The following FANCB variants were observed in gnomAD, a reference collection of about 807,000 sequenced individuals.
The protein encoded by FANCB is FA complementation group B, also known as Fanconi anemia group B protein.
In FANCB, 5 loss-of-function variants were observed where a neutral mutation model predicts 38.9. The ratio of observed to expected loss-of-function variants is 0.13; its 90% CI spans 0.07 to 0.27. The LOEUF (loss-of-function observed/expected upper bound fraction) is 0.27, where lower values mean the gene tolerates loss of function less well. FANCB is among the 10% of genes least tolerant of loss of function. FANCB has a pLI of 1.00. For missense variants in FANCB, 573 were observed against 602.7 expected (o/e 0.95, Z 0.52); for synonymous variants, 236 against 215.4 (o/e 1.10, Z -0.84).
intron 2 of FANCB, among the ~76,000 whole-genome samples, chrX:14,868,472 CAAA>C (rs1569094429): frequency 9.0e-6 from 1 of 111,382 alleles, no homozygotes; most frequent in Non-Finnish European, 1.9e-5. Context: ...AAGCCAATCA[CAAA>C]AAGACAAATA....
chrX:14,854,929 T>G (rs949495363), intron 5 of FANCB, among the ~76,000 whole-genome samples: 3 of 111,903 alleles, frequency 2.7e-5, no homozygotes. Flanking sequence ...TTTAAGTTTT[T>G]TGTGTGTTTT....
intron 4 of FANCB, 100 bp from the exon 5 acceptor site, chrX:14,858,054 G>A (rs996275605): frequency 1.8e-5 from 10 of 567,914 alleles, no homozygotes; most frequent in Middle Eastern, 5.4e-4. Context: ...TATCCAGTCA[G>A]AACAGTTTCC....
At chrX:14,770,752 G>C in the FANCB span, among the ~76,000 whole-genome samples, 1 of 112,289 alleles carries the variant, frequency 8.9e-6, no homozygotes, top group Non-Finnish European at 1.9e-5. Context: ...ACTTCAGTGT[G>C]TTTTTGTAGT....
downstream of FANCB, among the ~76,000 whole-genome samples, chrX:14,839,762 T>G (rs1375558273): frequency 1.3e-4 from 15 of 111,670 alleles, no homozygotes. Context: ...GGATTCCCCT[T>G]GCTTTATTCT....
the FANCB span, among the ~76,000 whole-genome samples, chrX:14,791,894 C>T: frequency 9.0e-6 from 1 of 111,630 alleles, no homozygotes; most frequent in Admixed American, 9.5e-5. Flanking sequence ...ATCCCATGTC[C>T]TTTTTTATAT....
At chrX:14,813,862 T>G in the FANCB span, among the ~76,000 whole-genome samples, 1 of 111,452 alleles carries the variant, frequency 9.0e-6, no homozygotes, top group Non-Finnish European at 1.9e-5. Flanking sequence ...GAGCCTGCAT[T>G]GCCAAGACAA....
chrX:14,781,684 A>G, the FANCB span, among the ~76,000 whole-genome samples: 1 of 111,534 alleles, frequency 9.0e-6, no homozygotes, highest in South Asian at 3.7e-4. Flanking sequence ...CCAGCTTGGG[A>G]ACTTTCTACC....
chrX:14,856,771 C>A (rs1307238059), intron 5 of FANCB, among the ~76,000 whole-genome samples: 1 of 111,234 alleles, frequency 9.0e-6, no homozygotes, highest in Non-Finnish European at 1.9e-5. Flanking sequence ...TCCTCTTTAG[C>A]ATAATTTTTA....
the FANCB span, among the ~76,000 whole-genome samples, chrX:14,724,408 C>G: frequency 9.2e-6 from 1 of 109,076 alleles, no homozygotes; most frequent in African/African-American, 3.3e-5. Context: ...GGTGCATCAC[C>G]GGAAGTCAGG....
chrX:14,689,906 A>G, the FANCB span, among the ~76,000 whole-genome samples: 2 of 112,235 alleles, frequency 1.8e-5, no homozygotes, highest in Non-Finnish European at 3.8e-5. Flanking sequence ...TTCAGAATCT[A>G]CTTTGTCAAA....
At chrX:14,841,202 G>T (rs374425525), downstream of FANCB, among the ~76,000 whole-genome samples, 8 of 112,083 alleles carry the variant, frequency 7.1e-5, no homozygotes, top group East Asian at 1.7e-3. Flanking sequence ...TTCTTCAGAT[G>T]GCTTACACAT....
the FANCB span, among the ~76,000 whole-genome samples, chrX:14,810,596 C>A: frequency 2.9e-4 from 32 of 110,759 alleles, no homozygotes; most frequent in African/African-American, 9.2e-4. Flanking sequence ...TGAAATGAAG[C>A]GAGAAGGGAA....
chrX:14,719,836 G>C, the FANCB span, among the ~76,000 whole-genome samples: 1 of 112,118 alleles, frequency 8.9e-6, no homozygotes, highest in African/African-American at 3.2e-5. Flanking sequence ...AGAAAATGTA[G>C]TGTTCATACA....
At chrX:14,786,724 G>C in the FANCB span, among the ~76,000 whole-genome samples, 5 of 110,765 alleles carry the variant, frequency 4.5e-5, no homozygotes, top group African/African-American at 1.6e-4. Flanking sequence ...AATTGTCCAA[G>C]AGGTAGCAAA....
At chrX:14,871,427 A>T (rs765196233) in intron 1 of FANCB, among the ~76,000 whole-genome samples, 26 of 111,988 alleles carry the variant, frequency 2.3e-4, no homozygotes, top group African/African-American at 8.4e-4. Context: ...GCATATACCC[A>T]GTAGTTTCAT....
intron 7 of FANCB, among the ~76,000 whole-genome samples, chrX:14,847,473 G>C (rs1001559497): frequency 9.0e-6 from 1 of 110,811 alleles, no homozygotes; most frequent in Non-Finnish European, 1.9e-5. Context: ...TGAAAGAGAT[G>C]TTGAGACATA....
At chrX:14,691,272 T>A in the FANCB span, among the ~76,000 whole-genome samples, 331 of 2,169 alleles carry the variant, frequency 0.15, 2 homozygotes, top group African/African-American at 0.28. Flanking sequence ...AAATATTGAC[T>A]GTGTGTGTGT....
the FANCB span, among the ~76,000 whole-genome samples, chrX:14,707,768 G>GTA: frequency 1.8e-5 from 2 of 110,536 alleles, no homozygotes; most frequent in Non-Finnish European, 3.8e-5. Context: ...GTGTGTGTGT[G>GTA]TGTGTGCACG....
At chrX:14,814,328 A>G in the FANCB span, among the ~76,000 whole-genome samples, 5 of 112,229 alleles carry the variant, frequency 4.5e-5, no homozygotes, top group East Asian at 1.4e-3. Flanking sequence ...GACAAATGGG[A>G]TCTAATTAAA....
Sources: gnomAD v4.1 joint callset for allele counts (sites outside exome capture counted in the v4.1 genomes callset) on GRCh38, gnomAD v4.1.1 for gene constraint, MANE v1.5 for transcripts, NCBI Gene and HGNC (gene_info 2026-07-23, HGNC 2026-07-21) for gene names.